The following SMYD3 variants were observed in gnomAD, a reference collection of about 807,000 sequenced individuals.
SMYD3 encodes histone-lysine N-methyltransferase SMYD3.
A neutral mutation model predicts 57.7 loss-of-function variants in SMYD3; 36 were observed. That is an observed-to-expected ratio of 0.62 (90% CI 0.48 to 0.82). The LOEUF (loss-of-function observed/expected upper bound fraction) is 0.82. SMYD3 is among the 40% of genes least tolerant of loss of function. SMYD3 has a pLI of 0.00. For missense variants in SMYD3, 515 were observed against 538.8 expected, an observed-to-expected ratio of 0.96 and a Z score of 0.44; for synonymous variants, 211 against 195.0, an observed-to-expected ratio of 1.08 and a Z score of -0.68.
intron 5 of SMYD3, among the ~76,000 whole-genome samples, chr1:246,103,836 A>G (rs529527827): frequency 6.6e-6 from 1 of 152,258 alleles, no homozygotes; most frequent in Admixed American, 6.5e-5. Context: ...TCTGCTGATC[A>G]CTTCTCAGCA....
intron 5 of SMYD3, among the ~76,000 whole-genome samples, chr1:246,095,178 G>A (rs2060892452): frequency 6.6e-6 from 1 of 152,174 alleles, no homozygotes; most frequent in Non-Finnish European, 1.5e-5. Context: ...GGGCTTGCGG[G>A]TGGCTAGCAC....
chr1:246,031,651 C>G (rs149370842), intron 5 of SMYD3, among the ~76,000 whole-genome samples: 1 of 151,448 alleles, frequency 6.6e-6, no homozygotes, highest in African/African-American at 2.4e-5. Context: ...GCAGGAGAAT[C>G]GCTTGAACCA....
chr1:245,924,726 G>A (rs1157801671), intron 7 of SMYD3, among the ~76,000 whole-genome samples: 2 of 141,470 alleles, frequency 1.4e-5, no homozygotes, highest in South Asian at 2.2e-4. Context: ...GCAATGGTGC[G>A]ATCTTGGCTC....
At chr1:246,241,532 T>C (rs1239741933) in intron 5 of SMYD3, among the ~76,000 whole-genome samples, 3 of 152,186 alleles carry the variant, frequency 2.0e-5, no homozygotes, top group Admixed American at 2.0e-4. Context: ...ATATTCATCA[T>C]GGATATTGGT....
At chr1:246,109,943 GA>G (rs2061203289) in intron 5 of SMYD3, 3 of 152,194 alleles carry the variant, frequency 2.0e-5, no homozygotes, top group Non-Finnish European at 4.4e-5. Flanking sequence ...TGTGTTATAG[GA>G]AGGCAGAATT....
intron 1 of SMYD3, among the ~76,000 whole-genome samples, chr1:246,395,821 G>A (rs887130538): frequency 2.0e-5 from 3 of 152,086 alleles, no homozygotes; most frequent in East Asian, 3.9e-4. Context: ...GCTGGACAGG[G>A]AAGACGAACC....
intron 10 of SMYD3, among the ~76,000 whole-genome samples, chr1:245,781,847 T>C (rs1262494533): frequency 6.6e-6 from 1 of 152,064 alleles, no homozygotes; most frequent in Non-Finnish European, 1.5e-5. Context: ...CATGCATCTG[T>C]AATCCCAGCT....
intron 1 of SMYD3, among the ~76,000 whole-genome samples, chr1:246,398,524 T>C (rs1014166689): frequency 6.6e-6 from 1 of 152,246 alleles, no homozygotes; most frequent in Non-Finnish European, 1.5e-5. Context: ...TGATGACCTC[T>C]ACTTGGGAAT....
chr1:246,233,415 C>T (rs12748783), intron 5 of SMYD3, among the ~76,000 whole-genome samples: 1 of 123,932 alleles, frequency 8.1e-6, no homozygotes, highest in Non-Finnish European at 1.6e-5. Flanking sequence ...CTGTGATGAA[C>T]ATATACCACA....
intron 5 of SMYD3, among the ~76,000 whole-genome samples, chr1:246,205,174 A>G (rs1429812727): frequency 6.6e-6 from 1 of 152,246 alleles, no homozygotes; most frequent in Non-Finnish European, 1.5e-5. Flanking sequence ...CATGGAATTT[A>G]GACGTAAGAA....
At chr1:246,445,199 TAATAA>T (rs1219538854) in intron 1 of SMYD3, among the ~76,000 whole-genome samples, 3 of 152,220 alleles carry the variant, frequency 2.0e-5, no homozygotes, top group Admixed American at 6.5e-5. Context: ...GAGTTTTACT[TAATAA>T]AATATGTCCA....
intron 5 of SMYD3, chr1:246,326,314 C>G (rs761752818): frequency 2.0e-5 from 13 of 663,410 alleles, no homozygotes; most frequent in Middle Eastern, 4.8e-4. Flanking sequence ...GCGAGGACAG[C>G]AGATCCATAG....
chr1:246,335,131 C>T (rs2065520352), intron 3 of SMYD3, among the ~76,000 whole-genome samples: 1 of 152,132 alleles, frequency 6.6e-6, no homozygotes, highest in South Asian at 2.1e-4. Flanking sequence ...AAAGTATGTA[C>T]ATTGTTCTGT....
intron 5 of SMYD3, among the ~76,000 whole-genome samples, chr1:245,936,835 C>G (rs2057004251): frequency 6.6e-6 from 1 of 151,578 alleles, no homozygotes; most frequent in African/African-American, 2.4e-5. Context: ...CCACTGCACT[C>G]CAATGACTGT....
chr1:246,243,755 G>T (rs6663372), intron 5 of SMYD3, among the ~76,000 whole-genome samples: 40,213 of 151,394 alleles, frequency 0.27, 6,031 homozygotes, highest in East Asian at 0.57. Context: ...ACTATTTCAA[G>T]ATTATTTTGA....
At chr1:246,138,393 C>T (rs1413629665) in intron 5 of SMYD3, among the ~76,000 whole-genome samples, 1 of 151,926 alleles carries the variant, frequency 6.6e-6, no homozygotes, top group African/African-American at 2.4e-5. Context: ...GTCAGTTCAT[C>T]TCTTCCTATA....
intron 5 of SMYD3, among the ~76,000 whole-genome samples, chr1:246,207,768 G>A (rs138168160): frequency 6.6e-6 from 1 of 152,148 alleles, no homozygotes; most frequent in Non-Finnish European, 1.5e-5. Context: ...CCTGGTAGGG[G>A]AGAATTTGCT....
At chr1:246,482,513 C>T (rs540790982) in intron 1 of SMYD3, among the ~76,000 whole-genome samples, 4 of 152,214 alleles carry the variant, frequency 2.6e-5, no homozygotes, top group African/African-American at 9.6e-5. Flanking sequence ...TCCTGGCCTA[C>T]GTCAGGGCCA....
intron 5 of SMYD3, among the ~76,000 whole-genome samples, chr1:246,307,031 A>G (rs551187318): frequency 6.6e-6 from 1 of 152,326 alleles, no homozygotes; most frequent in Non-Finnish European, 1.5e-5. Context: ...AGAGCAATAT[A>G]TTCTGAGAAA....
Sources: allele counts gnomAD v4.1 joint callset (sites outside exome capture counted in the v4.1 genomes callset), GRCh38; gene constraint gnomAD v4.1.1; transcripts MANE v1.5; gene names NCBI Gene and HGNC (gene_info 2026-07-23, HGNC 2026-07-21).